Variants in PMEPA1 observed in about 807,000 individuals in gnomAD.
PMEPA1 encodes prostate transmembrane protein, androgen induced 1, also known as protein TMEPAI.
In PMEPA1, 11 loss-of-function variants were observed where a neutral mutation model predicts 23.0. That is an observed-to-expected ratio of 0.48 (90% confidence interval 0.30 to 0.79). The LOEUF (loss-of-function observed/expected upper bound fraction) is 0.79. Ranked by LOEUF, PMEPA1 falls within the 30% of genes least tolerant of loss-of-function variation. PMEPA1 has a pLI of 0.06. For missense variants in PMEPA1, 377 were observed against 390.9 expected, an observed-to-expected ratio of 0.96 and a Z score of 0.30; for synonymous variants, 204 against 166.4, an observed-to-expected ratio of 1.23 and a Z score of -1.74.
At chr20:57,676,906 C>A (rs1293113490) in intron 1 of PMEPA1, among the ~76,000 whole-genome samples, 1 of 152,200 alleles carries the variant, frequency 6.6e-6, no homozygotes, top group Non-Finnish European at 1.5e-5. Context: ...ACCCTGCAGC[C>A]GGAACAATCT....
chr20:57,683,554 CGTGTGTGT>C lies in PMEPA1; in HGVS notation c.110-23865_110-23858del, dbSNP rs11467205. Among the ~76,000 whole-genome samples the C allele has an allele frequency of 2.5e-4, 27 of 106,426 alleles. No individual in the cohort carries two copies. In the East Asian group the frequency reaches 4.4e-3, roughly 18 times the overall value. 69.8% of individuals were successfully genotyped at this position (106,426 alleles called of 152,430 possible). A position where few individuals can be genotyped will look rare whatever the true frequency, so the allele number is the denominator to read the frequency against. On this transcript the variant is annotated intron_variant, in intron 1 of 3. Transcript: ENST00000341744. The surrounding 1 kb of genome is among the most constrained non-coding windows in gnomAD (Gnocchi z 4.3). ...CGGTGGTGGTGTTCTGGCCTGTGTG[CGTGTGTGT>C]GTGTGTGTGTGTGTGTGTGTGTTTC...
chr20:57,698,163 C>T (rs149612222), intron 1 of PMEPA1, among the ~76,000 whole-genome samples: 1 of 152,306 alleles, frequency 6.6e-6, no homozygotes, highest in African/African-American at 2.4e-5. Context: ...GGGAGAGATA[C>T]ACCCGAGATA....
At position 57,659,403 on chromosome 20, in the gene PMEPA1, T is replaced by G. The variant is rs114741047; in HGVS notation, c.264+140A>C. On this transcript the variant is annotated intron_variant, in intron 2 of 3. Transcript: ENST00000341744. ...CCCATTTCAGGGGAGGAAGCTGCTG[T>G]CAGGTGGGCTCCCCAGCCCCTGTCT... 1.5e-3 allele frequency: 1,298 copies of G among 853,488 alleles called. 20 individuals carry two copies. In the African/African-American group the frequency reaches 0.02, roughly 13 times the overall value. The allele number at this position is 853,488 out of a possible 1,614,324, so 52.9% of individuals were successfully genotyped here.
At position 57,683,553 on chromosome 20, in the gene PMEPA1, G is replaced by GTGTGTC. The variant is rs2071752134; in HGVS notation, c.110-23857_110-23856insGACACA. Reference sequence around the variant, plus strand: ...TCGGTGGTGGTGTTCTGGCCTGTGTGCGTGTGTGTGTGTGTGTGTGTGTGT... The same window carrying GTGTGTC: ...TCGGTGGTGGTGTTCTGGCCTGTGTGTGTGTCCGTGTGTGTGTGTGTGTGTGTGTGT... On this transcript the variant is annotated intron_variant, in intron 1 of 3. Coordinates refer to ENST00000341744, the MANE Select transcript of PMEPA1 (RefSeq NM_020182.5). The surrounding 1 kb of genome is among the most constrained non-coding windows in gnomAD (Gnocchi z 4.3). Among the ~76,000 whole-genome samples the GTGTGTC allele has an allele frequency of 9.2e-6, 1 of 109,024 alleles. No homozygotes were observed. The highest frequency in any genetic ancestry group is 2.0e-5 in the Non-Finnish European group (1 of 49,626). The allele number at this position is 109,024 out of a possible 152,430, so 71.5% of individuals were successfully genotyped here.
rs1600765181 is a variant in PMEPA1 at position 57,649,359 on chromosome 20, C to T, written c.*2694G>A. 1 of 152,310 alleles carries T rather than the reference C, an allele frequency of 6.6e-6. No homozygotes were observed. The highest frequency in any genetic ancestry group is 2.1e-4 in the South Asian group (1 of 4,824). 9.4% of individuals were successfully genotyped at this position (152,310 alleles called of 1,614,324 possible). On this transcript the variant is annotated 3_prime_UTR_variant, in exon 4 of 4. Transcript: ENST00000341744. ...ACCTGCTGGCTGTCTTGGGATGCGC[C>T]CAGCCTTTGAGAGGCCACTACCCCA... is the stretch of plus-strand genomic sequence containing the variant.
intron 1 of PMEPA1, 151 bp from the exon 2 acceptor site, chr20:57,659,848 C>T (rs1004510687): frequency 9.8e-6 from 7 of 711,606 alleles, no homozygotes; most frequent in African/African-American, 8.9e-5. Context: ...GGCAAGGTCA[C>T]AGGCGATGCC....
Position 57,653,039 on chromosome 20 carries a change from G to T in PMEPA1, c.312C>A (p.Ile104=). 2.5e-6 allele frequency: 4 copies of T among 1,596,172 alleles called. No individual in the cohort carries two copies. The highest frequency in any genetic ancestry group is 3.4e-6 in the Non-Finnish European group (4 of 1,171,252). The change falls in exon 3 of 4, where the codon ATC becomes ATA. Residue 104 remains isoleucine (I), a synonymous_variant. Coordinates refer to ENST00000341744, the MANE Select transcript of PMEPA1 (RefSeq NM_020182.5). Reference sequence around the variant, plus strand: ...AGGCCGAGGGAGGTCTCACCTCTGGGATTCCGTTGCCTGACACTGTGCTCT... The same window carrying T: ...AGGCCGAGGGAGGTCTCACCTCTGGTATTCCGTTGCCTGACACTGTGCTCT... ...PSESTVSGNG[I]PEPQVYAPPR... is the part of the protein sequence containing the mutation.
At position 57,704,844 on chromosome 20, in the gene PMEPA1, A is replaced by G. The variant is rs534330435; in HGVS notation, c.109+4630T>C. Among the ~76,000 whole-genome samples the G allele has an allele frequency of 2.0e-5, 3 of 152,274 alleles. No homozygotes were observed. Among genetic ancestry groups the G allele is most frequent in the African/African-American group, 7.2e-5 (3 of 41,570 alleles). The stretch of plus-strand genomic sequence containing the variant: ...TTTGGTGGCGGGTGCATCTTGCAGC[A>G]TGGAGGCTTCCTTGGGGCTCCTGAG... On this transcript the variant is annotated intron_variant, in intron 1 of 3. Coordinates refer to ENST00000341744, the MANE Select transcript of PMEPA1 (RefSeq NM_020182.5). The surrounding 1 kb of genome is among the most constrained non-coding windows in gnomAD (Gnocchi z 4.6).
intron 1 of PMEPA1, among the ~76,000 whole-genome samples, chr20:57,686,795 C>G (rs1170538216): frequency 3.3e-5 from 5 of 152,216 alleles, no homozygotes. Flanking sequence ...GAGTGGAGCT[C>G]AGTGCTGGAC....
At chr20:57,662,950 A>C (rs925476109) in intron 1 of PMEPA1, among the ~76,000 whole-genome samples, 3 of 152,110 alleles carry the variant, frequency 2.0e-5, no homozygotes, top group African/African-American at 7.2e-5. Flanking sequence ...GCCCCTGCAG[A>C]CTGAATGGGT....
chr20:57,694,127 G>T (rs994238464), intron 1 of PMEPA1, among the ~76,000 whole-genome samples: 1 of 152,166 alleles, frequency 6.6e-6, no homozygotes, highest in Admixed American at 6.5e-5. Flanking sequence ...AGTTGCCCCT[G>T]ACCTTCAAAT....
rs2071580788 is a variant in PMEPA1, at chr20:57,672,400, C to A, written c.110-12703G>T. On this transcript the variant is annotated intron_variant, in intron 1 of 3. Transcript: ENST00000341744. ...GGCGCCCAGGGGAGGGGAAGTGAAC[C>A]GGGGCTCCGTTTCCAAGGCTCTTGG... is the stretch of plus-strand genomic sequence containing the variant. Among the ~76,000 whole-genome samples the A allele has an allele frequency of 2.6e-5, 4 of 152,252 alleles. No homozygotes were observed. In the South Asian group the frequency reaches 8.3e-4, roughly 31 times the overall value.
intron 1 of PMEPA1, among the ~76,000 whole-genome samples, chr20:57,660,512 ACACGTC>A (rs2071400150): frequency 6.7e-6 from 1 of 148,314 alleles, no homozygotes; most frequent in African/African-American, 2.6e-5. Flanking sequence ...ACTCCTACAC[ACACGTC>A]AACAACGCTA....
At chr20:57,654,023 G>A (rs2071291405) in intron 2 of PMEPA1, among the ~76,000 whole-genome samples, 1 of 152,166 alleles carries the variant, frequency 6.6e-6, no homozygotes, top group African/African-American at 2.4e-5. Context: ...CAGTGATTCA[G>A]CCTCTGGCAA....
intron 1 of PMEPA1, among the ~76,000 whole-genome samples, chr20:57,701,366 G>A (rs1489879726): frequency 1.3e-5 from 2 of 152,210 alleles, no homozygotes; most frequent in African/African-American, 4.8e-5. Flanking sequence ...TGCAGCAAGT[G>A]TGTGCCAAGA....
intron 1 of PMEPA1, among the ~76,000 whole-genome samples, chr20:57,669,998 G>A (rs1012480386): frequency 9.2e-5 from 14 of 152,166 alleles, no homozygotes; most frequent in Non-Finnish European, 1.6e-4. Flanking sequence ...GGGCTGCTGC[G>A]GGAGGGGCTC....
At chr20:57,705,196 T>C (rs962657732) in intron 1 of PMEPA1, among the ~76,000 whole-genome samples, 7 of 152,216 alleles carry the variant, frequency 4.6e-5, no homozygotes, top group Admixed American at 2.0e-4. Context: ...TGTGTGTTTG[T>C]ACAGGAACAA....
At chr20:57,706,707 T>C (rs1168861960) in intron 1 of PMEPA1, among the ~76,000 whole-genome samples, 1 of 152,036 alleles carries the variant, frequency 6.6e-6, no homozygotes, top group African/African-American at 2.4e-5. Context: ...ATTCAAGAGG[T>C]GTGGGCGTGC....
chr20:57,683,554 C>CGTGTGTGCGTGTGTGT lies in PMEPA1; in HGVS notation c.110-23858_110-23857insACACACACGCACACAC, dbSNP rs1568977703. Among the ~76,000 whole-genome samples, 137 of 106,420 alleles carry CGTGTGTGCGTGTGTGT rather than the reference C, an allele frequency of 1.3e-3. 1 individual carries two copies. Among genetic ancestry groups the CGTGTGTGCGTGTGTGT allele is most frequent in the African/African-American group, 3.5e-3 (132 of 38,246 alleles). 69.8% of individuals were successfully genotyped at this position (106,420 alleles called of 152,430 possible). On this transcript the variant is annotated intron_variant, in intron 1 of 3. Coordinates refer to ENST00000341744, the MANE Select transcript of PMEPA1 (RefSeq NM_020182.5). The surrounding 1 kb of genome is among the most constrained non-coding windows in gnomAD (Gnocchi z 4.3). ...CGGTGGTGGTGTTCTGGCCTGTGTG[C>CGTGTGTGCGTGTGTGT]GTGTGTGTGTGTGTGTGTGTGTGTG... is the stretch of plus-strand genomic sequence containing the variant.
Sources: gnomAD v4.1 joint callset for allele counts (sites outside exome capture counted in the v4.1 genomes callset) on GRCh38, gnomAD v4.1.1 for gene constraint, Gnocchi (gnomAD v3.1) non-coding constraint, MANE v1.5 for transcripts, NCBI Gene and HGNC (gene_info 2026-07-23, HGNC 2026-07-21) for gene names.